The following CHD5 variants were observed in gnomAD, a reference collection of about 807,000 sequenced individuals.
CHD5 encodes the protein chromodomain helicase DNA binding protein 5.
Under a neutral mutation model 230.3 loss-of-function variants are expected in CHD5, and 69 were observed. The ratio of observed to expected loss-of-function variants is 0.30; its 90% CI spans 0.25 to 0.37. The LOEUF is 0.37. CHD5 is among the 10% of genes least tolerant of loss of function. The pLI, the probability that CHD5 is intolerant of heterozygous loss-of-function variation, is 1.00. For missense variants in CHD5, 1,827 were observed against 2,622.8 expected (o/e 0.70, Z 6.63); for synonymous variants, 1,064 against 1,065.9 (o/e 1.00, Z 0.03).
At chr1:6,135,578 C>T (rs1666734069) in intron 17 of CHD5, among the ~76,000 whole-genome samples, 175 bp from the exon 18 acceptor site, 1 of 152,180 alleles carries the variant, frequency 6.6e-6, no homozygotes, top group African/African-American at 2.4e-5. Flanking sequence ...ACATCACAGC[C>T]CTCTTTTCCT....
intron 31 of CHD5, among the ~76,000 whole-genome samples, chr1:6,123,062 C>A (rs1666496107): frequency 6.7e-6 from 1 of 148,220 alleles, no homozygotes; most frequent in Non-Finnish European, 1.5e-5. Context: ...AGCGAAACTC[C>A]ATCTCAAAAA....
intron 33 of CHD5, among the ~76,000 whole-genome samples, chr1:6,118,178 C>T (rs1383981721): frequency 6.6e-6 from 1 of 151,950 alleles, no homozygotes; most frequent in Non-Finnish European, 1.5e-5. Context: ...GGGTTCAAGA[C>T]CAGCCTGGGC....
chr1:6,175,939 G>A (rs1329664571), intron 1 of CHD5, among the ~76,000 whole-genome samples: 1 of 151,996 alleles, frequency 6.6e-6, no homozygotes, highest in Admixed American at 6.5e-5. Context: ...GGATTGATAG[G>A]CGGATGGTGA....
intron 33 of CHD5, chr1:6,113,381 GC>G: frequency 2.4e-6 from 1 of 424,984 alleles, no homozygotes; most frequent in Non-Finnish European, 4.7e-6. Flanking sequence ...CCGAGATGGC[GC>G]CACTGCACTC....
chr1:6,125,254 A>G lies in CHD5; in HGVS notation c.4261-21T>C. ...AGCACCTGGGCGAGTGGAGCGTGGG[A>G]GTATGAGCCCAGGACAGAGAGGGGT... On this transcript the variant is annotated intron_variant, in intron 28 of 41. Transcript: ENST00000262450. This position sits in a 1 kb window ranked among gnomAD's most constrained non-coding sequence, Gnocchi z 6.7. 1.5e-6 allele frequency: 2 copies of G among 1,364,436 alleles called. No individual in the cohort carries two copies. Among genetic ancestry groups the G allele is most frequent in the Middle Eastern group, 1.8e-4 (1 of 5,412 alleles). 84.5% of individuals were successfully genotyped at this position (1,364,436 alleles called of 1,614,324 possible). A position where few individuals can be genotyped will look rare whatever the true frequency, so the allele number is the denominator to read the frequency against.
Position 6,154,174 on chromosome 1 carries a change from T to A in CHD5, c.745+486A>T. 6.6e-6 allele frequency among the ~76,000 whole-genome samples: 1 copy of A among 152,160 alleles called. No homozygotes were observed. The highest frequency in any genetic ancestry group is 1.9e-4 in the East Asian group (1 of 5,190). ...AGGGGCAGGGCCTCCATGCTCCACA[T>A]TGGCCGAGGGCCTGGAGAACAACCC... On this transcript the variant is annotated intron_variant, in intron 5 of 41. Transcript: ENST00000262450. This position sits in a 1 kb window ranked among gnomAD's most constrained non-coding sequence, Gnocchi z 7.0.
chr1:6,128,167 G>A lies in CHD5; in HGVS notation c.3782C>T (p.Ala1261Val). The change falls in exon 25 of 42, where the codon GCC (alanine) becomes GTC (valine). Residue 1261 changes from alanine (A) to valine (V), a missense_variant. This residue lies in a region of CHD5 where 137 missense variants were observed against 272.7 expected (regional missense o/e 0.50). Transcript: ENST00000262450. The surrounding 1 kb of genome is among the most constrained non-coding windows in gnomAD (Gnocchi z 7.8). Reference sequence around the variant, plus strand: ...GTTCCGGTCCAGCAGCTTGGAGATGGCCGCATCGTCATAGTGGATCACACT... The same window carrying A: ...GTTCCGGTCCAGCAGCTTGGAGATGACCGCATCGTCATAGTGGATCACACT... The part of the protein sequence containing the change: ...DSSVIHYDDA[A>V]ISKLLDRNQD... 1 of 1,614,142 alleles carries A rather than the reference G, an allele frequency of 6.2e-7. No individual in the cohort carries two copies. Among genetic ancestry groups the A allele is most frequent in the South Asian group, 1.1e-5 (1 of 91,080 alleles).
rs181035099 is a variant in CHD5, at chr1:6,130,367, G to T, written c.3263-39C>A. 5 of 1,602,636 alleles carry T rather than the reference G, an allele frequency of 3.1e-6. No individual in the cohort carries two copies. Among genetic ancestry groups the T allele is most frequent in the Admixed American group, 3.4e-5 (2 of 59,646 alleles). On this transcript the variant is annotated intron_variant, in intron 21 of 41. Transcript: ENST00000262450. The surrounding 1 kb of genome is among the most constrained non-coding windows in gnomAD (Gnocchi z 4.9). ...GCCAGCAGATGGGAGTGTTTGGGGG[G>T]GTACACCTTGGGTGGGCAGAAAGGA...
Position 6,146,511 on chromosome 1 carries a change from G to T in CHD5, c.1591-88C>A. On this transcript the variant is annotated intron_variant, in intron 10 of 41. Transcript: ENST00000262450. The surrounding 1 kb of genome is among the most constrained non-coding windows in gnomAD (Gnocchi z 5.1). ...ACCCAGCTCCTCTAGCCCCAGCCCA[G>T]GTCCCAGGCAGGACAATCCTCCCGC... 1 of 1,448,476 alleles carries T rather than the reference G, an allele frequency of 6.9e-7. No individual in the cohort carries two copies. Among genetic ancestry groups the T allele is most frequent in the Non-Finnish European group, 9.6e-7 (1 of 1,041,468 alleles). The allele number at this position is 1,448,476 out of a possible 1,614,324, so 89.7% of individuals were successfully genotyped here.
chr1:6,153,347 C>A (rs1667034729), intron 5 of CHD5, among the ~76,000 whole-genome samples: 1 of 152,230 alleles, frequency 6.6e-6, no homozygotes, highest in Non-Finnish European at 1.5e-5. Flanking sequence ...GGGCCAGGAG[C>A]CCCTCCCGAG....
At position 6,110,523 on chromosome 1, in the gene CHD5, G is replaced by A. The variant is rs150576856; in HGVS notation, c.5253C>T (p.His1751=). Residue 1751 remains histidine (H), a synonymous_variant, in exon 37 of 42, where the codon CAC becomes CAT. Transcript: ENST00000262450. ...DYWLLAGIVT[H]GYARWQDIQN... is the part of the protein sequence containing the mutation. ...GGATGTCCTGCCAGCGGGCGTAGCC[G>A]TGCCTGGGTGGGGCACCATTAAGGG... 149 of 1,613,618 alleles carry A rather than the reference G, an allele frequency of 9.2e-5. No homozygotes were observed. In the African/African-American group the frequency reaches 1.6e-3, roughly 17 times the overall value.
Position 6,109,836 on chromosome 1 carries a change from G to T in CHD5, c.5537C>A (p.Ser1846Tyr). ...AESHQHLSKE[S>Y]LAGNKPANAV... ...ATTGGCAGGCTTGTTCCCAGCAAGGGACTCCTTGGACAGGTGCTGGTGGCT... is the reference window on the plus strand; with the variant it reads ...ATTGGCAGGCTTGTTCCCAGCAAGGTACTCCTTGGACAGGTGCTGGTGGCT... Residue 1846 changes from serine to tyrosine, a missense_variant, in exon 38 of 42, where the codon TCC becomes TAC. Transcript: ENST00000262450. 6.2e-7 allele frequency: 1 copy of T among 1,612,904 alleles called. No homozygotes were observed.
intron 9 of CHD5, among the ~76,000 whole-genome samples, chr1:6,147,983 C>T (rs1457970901): frequency 6.6e-6 from 1 of 151,910 alleles, no homozygotes; most frequent in Non-Finnish European, 1.5e-5. Context: ...CTGAGAGGAA[C>T]CCCACTCCTG....
At chr1:6,158,166 A>C (rs1392569322) in intron 3 of CHD5, among the ~76,000 whole-genome samples, 1 of 152,132 alleles carries the variant, frequency 6.6e-6, no homozygotes, top group Non-Finnish European at 1.5e-5. Context: ...CCATCTCCCC[A>C]AGGAGCCCCA....
chr1:6,136,248 G>C (rs1245671799), intron 17 of CHD5, among the ~76,000 whole-genome samples: 1 of 152,186 alleles, frequency 6.6e-6, no homozygotes, highest in African/African-American at 2.4e-5. Context: ...AGTCCAGGAG[G>C]AACCCCGGGT....
At chr1:6,113,063 C>G in intron 33 of CHD5, 65 bp from the exon 34 acceptor site, 2 of 1,118,064 alleles carry the variant, frequency 1.8e-6, no homozygotes, top group South Asian at 2.5e-5. Flanking sequence ...ACTCTGGGCT[C>G]GTGGCTTTCC....
intron 38 of CHD5, 21 bp downstream of exon 38, chr1:6,109,774 T>TG (rs1666256104): frequency 6.2e-7 from 1 of 1,604,258 alleles, no homozygotes; most frequent in Admixed American, 1.7e-5. Context: ...GGCTGCACCG[T>TG]GGGGGGCAGG....
intron 2 of CHD5, among the ~76,000 whole-genome samples, chr1:6,161,843 G>C (rs1410929290): frequency 6.6e-6 from 1 of 152,194 alleles, no homozygotes; most frequent in Non-Finnish European, 1.5e-5. Context: ...GCTGGGGCTG[G>C]CCGGAGGAAG....
chr1:6,156,720 G>A (rs61760800), intron 3 of CHD5, among the ~76,000 whole-genome samples: 15,054 of 152,152 alleles, frequency 0.099, 1,027 homozygotes, highest in Middle Eastern at 0.21. Context: ...CTACTGCTGA[G>A]GCCTGGGGTG....
Sources: gnomAD v4.1 joint callset for allele counts (sites outside exome capture counted in the v4.1 genomes callset) on GRCh38, gnomAD v4.1.1 for gene constraint, gnomAD v4.1.1 regional missense constraint, Gnocchi (gnomAD v3.1) non-coding constraint, MANE v1.5 for transcripts, NCBI Gene and HGNC (gene_info 2026-07-23, HGNC 2026-07-21) for gene names.